The following ZPBP variants were observed in gnomAD, a reference collection of about 807,000 sequenced individuals.
The protein encoded by ZPBP is zona pellucida binding protein.
A neutral mutation model predicts 44.8 loss-of-function variants in ZPBP; 26 were observed. That is an observed-to-expected ratio of 0.58 (90% CI 0.43 to 0.81). The LOEUF is 0.81. ZPBP is among the 30% of genes least tolerant of loss of function. ZPBP has a pLI of 0.00. For synonymous variants in ZPBP, 174 were observed against 153.2 expected, an observed-to-expected ratio of 1.14 and a Z score of -1.00; for missense variants, 409 against 434.0, an observed-to-expected ratio of 0.94 and a Z score of 0.51.
intron 2 of ZPBP, among the ~76,000 whole-genome samples, chr7:49,875,035 G>C (rs1052988996): frequency 4.6e-5 from 7 of 151,802 alleles, no homozygotes; most frequent in Admixed American, 4.6e-4. Flanking sequence ...AACAGTTTAT[G>C]AACTTGTTTC....
intron 2 of ZPBP, among the ~76,000 whole-genome samples, chr7:49,875,267 G>C (rs1791352940): frequency 6.7e-6 from 1 of 148,188 alleles, no homozygotes; most frequent in Non-Finnish European, 1.5e-5. Context: ...CTACTCAGGA[G>C]GCTGAGGCAG....
intron 1 of ZPBP, among the ~76,000 whole-genome samples, chr7:49,911,845 C>T (rs568740297): frequency 2.0e-5 from 3 of 151,424 alleles, no homozygotes; most frequent in South Asian, 2.1e-4. Context: ...TGCAGTGAGC[C>T]GAGATCGTGC....
At chr7:49,852,884 T>TTTTA (rs1396432301) in intron 2 of ZPBP, among the ~76,000 whole-genome samples, 1 of 152,238 alleles carries the variant, frequency 6.6e-6, no homozygotes, top group African/African-American at 2.4e-5. Flanking sequence ...AACTGGCTTC[T>TTTTA]GTAAAGCCAG....
intron 6 of ZPBP, among the ~76,000 whole-genome samples, chr7:50,012,384 T>C (rs1798628457): frequency 6.6e-6 from 1 of 151,868 alleles, no homozygotes; most frequent in South Asian, 2.1e-4. Context: ...AGTAAACTAA[T>C]AACTAAAAAC....
chr7:49,850,027 A>T (rs755176042), downstream of ZPBP, among the ~76,000 whole-genome samples: 3 of 152,222 alleles, frequency 2.0e-5, no homozygotes, highest in Non-Finnish European at 4.4e-5. Flanking sequence ...GCACAGGAAG[A>T]CTGAGCACAG....
At chr7:49,994,921 A>G (rs557553064) in intron 6 of ZPBP, among the ~76,000 whole-genome samples, 1 of 152,122 alleles carries the variant, frequency 6.6e-6, no homozygotes, top group South Asian at 2.1e-4. Context: ...CAAATGAGGA[A>G]TATGTTGCCT....
At chr7:49,937,381 A>G (rs2128751797), downstream of ZPBP, 1 of 642,600 alleles carries the variant, frequency 1.6e-6, no homozygotes, top group African/African-American at 1.8e-5. Context: ...TCATCCTCAT[A>G]AAACATTTGG....
intron 6 of ZPBP, among the ~76,000 whole-genome samples, chr7:50,014,746 T>G (rs778315006): frequency 2.0e-5 from 3 of 152,080 alleles, no homozygotes; most frequent in African/African-American, 7.2e-5. Flanking sequence ...ATTACAGGCT[T>G]GAGCCACCAC....
intron 2 of ZPBP, among the ~76,000 whole-genome samples, chr7:49,851,331 T>A (rs1790171976): frequency 6.6e-6 from 1 of 152,214 alleles, no homozygotes; most frequent in Admixed American, 6.5e-5. Context: ...AAATAAGGCC[T>A]CATTCATGGG....
intron 6 of ZPBP, among the ~76,000 whole-genome samples, chr7:50,013,262 A>T (rs960327875): frequency 6.6e-6 from 1 of 151,906 alleles, no homozygotes; most frequent in Non-Finnish European, 1.5e-5. Flanking sequence ...TATGAAGTTG[A>T]AAAAGAGAAA....
intron 7 of ZPBP, among the ~76,000 whole-genome samples, chr7:49,950,145 A>G (rs937515919): frequency 1.3e-5 from 2 of 151,938 alleles, no homozygotes; most frequent in Non-Finnish European, 2.9e-5. Context: ...ATATTCACAT[A>G]ATGGAAAATT....
chr7:49,934,251 CTAAAAAGAATCATTCTCTGGAG>C (rs1794552707), downstream of ZPBP, among the ~76,000 whole-genome samples: 1 of 152,036 alleles, frequency 6.6e-6, no homozygotes, highest in Non-Finnish European at 1.5e-5. Flanking sequence ...TGCTGACTGG[CTAAAAAGAATCATTCTCTGGAG>C]TAAACAAACT....
chr7:49,998,745 T>G (rs139432962), intron 6 of ZPBP, among the ~76,000 whole-genome samples: 1 of 152,248 alleles, frequency 6.6e-6, no homozygotes, highest in East Asian at 1.9e-4. Flanking sequence ...CTAGTAAGAC[T>G]AGAGAGCCAA....
chr7:50,058,287 T>G, intron 3 of ZPBP, 146 bp from the exon 4 acceptor site: 1 of 823,134 alleles, frequency 1.2e-6, no homozygotes, highest in Non-Finnish European at 2.0e-6. Context: ...ACATCTGGTA[T>G]CTGCTAACAG....
intron 7 of ZPBP, chr7:49,943,631 A>G (rs1355656092): frequency 6.3e-6 from 2 of 319,920 alleles, no homozygotes; most frequent in Non-Finnish European, 1.2e-5. Context: ...ACAGCAACCC[A>G]TCATTTTGTT....
intron 7 of ZPBP, among the ~76,000 whole-genome samples, chr7:49,947,888 A>T (rs1795170357): frequency 6.6e-6 from 1 of 152,214 alleles, no homozygotes; most frequent in Non-Finnish European, 1.5e-5. Flanking sequence ...CTACAGCAGC[A>T]GAACTGGCAC....
intron 3 of ZPBP, among the ~76,000 whole-genome samples, chr7:50,061,834 C>T (rs1431661855): frequency 6.6e-6 from 1 of 152,168 alleles, no homozygotes; most frequent in East Asian, 1.9e-4. Context: ...GCAGAGGTTG[C>T]AGTGAGCAGA....
chr7:50,078,124 C>T (rs998108036), intron 3 of ZPBP, among the ~76,000 whole-genome samples: 14 of 151,458 alleles, frequency 9.2e-5, no homozygotes, highest in East Asian at 1.9e-4. Flanking sequence ...TTATGTTAAG[C>T]GAAATAAGCA....
rs78159182 is a variant in ZPBP at position 49,895,030 on chromosome 7, T to C, written n.509+6088A>G. 6.4e-4 allele frequency among the ~76,000 whole-genome samples: 97 copies of C among 152,322 alleles called. 1 individual carries two copies. The East Asian group carries it at 0.018, about 29-fold the overall frequency. On this transcript the variant is annotated intron_variant and non_coding_transcript_variant, in intron 2 of 2. Transcript: ENST00000465922. The stretch of plus-strand genomic sequence containing the variant: ...TTCTGATACTATATGTCTAAGTCCA[T>C]TCATGCTACTATAACAAAATACCAC...
Sources: gnomAD v4.1 joint callset for allele counts (sites outside exome capture counted in the v4.1 genomes callset) on GRCh38, gnomAD v4.1.1 for gene constraint, MANE v1.5 for transcripts, NCBI Gene and HGNC (gene_info 2026-07-23, HGNC 2026-07-21) for gene names.